The following AKAP19 variants were observed in gnomAD, a reference collection of about 807,000 sequenced individuals.
AKAP19 encodes the protein small A-kinase anchoring protein.
At chr2:190,192,181 A>G in the AKAP19 span, among the ~76,000 whole-genome samples, 3 of 152,096 alleles carry the variant, frequency 2.0e-5, no homozygotes, top group African/African-American at 4.8e-5. Context: ...TGAATGTCCA[A>G]TTGTTCCAAT....
chr2:189,950,432 A>G, the AKAP19 span, among the ~76,000 whole-genome samples: 59 of 150,960 alleles, frequency 3.9e-4, no homozygotes, highest in Non-Finnish European at 1.2e-4. Context: ...CAATCTGTTA[A>G]CTGATTGTGA....
chr2:190,181,658 C>T, the AKAP19 span, among the ~76,000 whole-genome samples: 4 of 152,152 alleles, frequency 2.6e-5, no homozygotes, highest in Non-Finnish European at 5.9e-5. Context: ...TGGTCTGACA[C>T]CAGCCCTTCC....
the AKAP19 span, among the ~76,000 whole-genome samples, chr2:190,027,776 A>G: frequency 1 from 151,595 of 152,314 alleles, 75,447 homozygotes; most frequent in Middle Eastern, 1. Context: ...TGTGCATTTT[A>G]CAAGGACTAT....
the AKAP19 span, among the ~76,000 whole-genome samples, chr2:189,937,648 A>G: frequency 6.6e-6 from 1 of 152,222 alleles, no homozygotes; most frequent in Non-Finnish European, 1.5e-5. Flanking sequence ...TGGCAAACCG[A>G]TATATGAAAA....
the AKAP19 span, chr2:190,057,682 G>A: frequency 2.5e-6 from 4 of 1,602,740 alleles, no homozygotes; most frequent in Non-Finnish European, 3.4e-6. Flanking sequence ...AATAGGCCTG[G>A]AAACACTTTT....
the AKAP19 span, among the ~76,000 whole-genome samples, chr2:190,015,754 G>T: frequency 6.6e-6 from 1 of 152,142 alleles, no homozygotes; most frequent in Non-Finnish European, 1.5e-5. Context: ...CTTTGTGAAT[G>T]CATAAGACTT....
the AKAP19 span, among the ~76,000 whole-genome samples, chr2:190,038,917 TTCTTCTTC>T: frequency 7.4e-6 from 1 of 134,506 alleles, no homozygotes; most frequent in African/African-American, 3.1e-5. Flanking sequence ...CTTCTTCTTC[TTCTTCTTC>T]TTCTTCTTCT....
At chr2:190,104,498 C>T in the AKAP19 span, among the ~76,000 whole-genome samples, 1 of 152,108 alleles carries the variant, frequency 6.6e-6, no homozygotes, top group African/African-American at 2.4e-5. Flanking sequence ...AAGCAAAAAA[C>T]AAATAACCCT....
At chr2:190,042,393 T>C in the AKAP19 span, among the ~76,000 whole-genome samples, 1 of 152,130 alleles carries the variant, frequency 6.6e-6, no homozygotes, top group Non-Finnish European at 1.5e-5. Flanking sequence ...TTGTGTTTAT[T>C]TGGATCTTCT....
chr2:189,970,718 T>A, the AKAP19 span, among the ~76,000 whole-genome samples: 2 of 152,236 alleles, frequency 1.3e-5, no homozygotes, highest in African/African-American at 4.8e-5. Context: ...TATCTTTTGG[T>A]TAATGAGTGG....
the AKAP19 span, among the ~76,000 whole-genome samples, chr2:190,193,905 T>C: frequency 3.3e-5 from 5 of 152,216 alleles, no homozygotes; most frequent in African/African-American, 1.2e-4. Flanking sequence ...TTTTCTTCTT[T>C]TCTATTATAA....
At chr2:189,991,984 T>G in the AKAP19 span, among the ~76,000 whole-genome samples, 1 of 152,242 alleles carries the variant, frequency 6.6e-6, no homozygotes, top group African/African-American at 2.4e-5. Context: ...TTTTATTTGC[T>G]TTGTTGAAGA....
the AKAP19 span, among the ~76,000 whole-genome samples, chr2:190,197,147 C>T: frequency 7.2e-5 from 11 of 152,148 alleles, no homozygotes; most frequent in Admixed American, 2.0e-4. The surrounding 1 kb of genome is among the most constrained non-coding windows in gnomAD (Gnocchi z 4.0). Flanking sequence ...AATACCATCA[C>T]GTTGGGGATT....
the AKAP19 span, chr2:190,163,864 T>C: frequency 4.6e-5 from 7 of 152,248 alleles, no homozygotes; most frequent in Non-Finnish European, 8.8e-5. Flanking sequence ...CATGTACTCA[T>C]ATGTTTGCAT....
chr2:190,012,710 A>G, the AKAP19 span, among the ~76,000 whole-genome samples: 2 of 152,308 alleles, frequency 1.3e-5, no homozygotes, highest in Non-Finnish European at 2.9e-5. Context: ...AAAAGCTTTC[A>G]ACTTTTTACC....
chr2:189,948,376 A>G, the AKAP19 span, among the ~76,000 whole-genome samples: 1 of 150,362 alleles, frequency 6.7e-6, no homozygotes, highest in African/African-American at 2.4e-5. Context: ...TTTTTTTTGC[A>G]TTTAATTTTT....
chr2:189,988,407 C>A, the AKAP19 span, among the ~76,000 whole-genome samples: 1 of 152,140 alleles, frequency 6.6e-6, no homozygotes, highest in African/African-American at 2.4e-5. Context: ...TGGCTGGTGG[C>A]CTTTCATTTG....
chr2:190,063,778 G>A, the AKAP19 span, among the ~76,000 whole-genome samples: 4 of 152,120 alleles, frequency 2.6e-5, no homozygotes, highest in African/African-American at 7.2e-5. Context: ...TTGGGGTAAA[G>A]TCTGGGAGCA....
the AKAP19 span, among the ~76,000 whole-genome samples, chr2:190,120,318 G>GA: frequency 4.6e-5 from 7 of 152,230 alleles, no homozygotes; most frequent in African/African-American, 1.7e-4. Context: ...ATTTTTTATG[G>GA]AAAAATTGTC....
Sources: allele counts gnomAD v4.1 joint callset (sites outside exome capture counted in the v4.1 genomes callset), GRCh38; gene constraint gnomAD v4.1.1; non-coding constraint Gnocchi (gnomAD v3.1); transcripts MANE v1.5; gene names NCBI Gene and HGNC (gene_info 2026-07-23, HGNC 2026-07-21).